The following LRRC49 variants were observed in gnomAD, a reference collection of about 807,000 sequenced individuals.
LRRC49 encodes leucine-rich repeat-containing protein 49.
LRRC49 carries 50 observed loss-of-function variants against 83.3 expected under a neutral mutation model. That is an observed-to-expected ratio of 0.60 (90% confidence interval 0.48 to 0.76). LRRC49 has a LOEUF of 0.76. LRRC49 is among the 30% of genes least tolerant of loss of function. The pLI is 0.00. For missense variants in LRRC49, 704 were observed against 809.1 expected, an observed-to-expected ratio of 0.87 and a Z score of 1.58; for synonymous variants, 286 against 283.3, an observed-to-expected ratio of 1.01 and a Z score of -0.10.
intron 9 of LRRC49, among the ~76,000 whole-genome samples, chr15:70,979,769 T>G (rs2037334421): frequency 6.6e-6 from 1 of 152,114 alleles, no homozygotes; most frequent in Non-Finnish European, 1.5e-5. Flanking sequence ...GATAGAAAGT[T>G]TAAACCTATG....
At chr15:70,991,368 G>C (rs1330684006) in intron 11 of LRRC49, among the ~76,000 whole-genome samples, 1 of 152,130 alleles carries the variant, frequency 6.6e-6, no homozygotes, top group Non-Finnish European at 1.5e-5. Flanking sequence ...ATCCACAGGG[G>C]ATTGGTTCCC....
At chr15:70,912,122 A>G (rs2034574053) in intron 6 of LRRC49, among the ~76,000 whole-genome samples, 1 of 152,144 alleles carries the variant, frequency 6.6e-6, no homozygotes, top group African/African-American at 2.4e-5. Flanking sequence ...ACAGCATTAT[A>G]TTACTGAGAT....
chr15:70,990,656 TG>T (rs1300271976), intron 11 of LRRC49, among the ~76,000 whole-genome samples: 1 of 152,196 alleles, frequency 6.6e-6, no homozygotes, highest in Non-Finnish European at 1.5e-5. Flanking sequence ...CTGCGCCCAC[TG>T]TCTGGCACTC....
In LRRC49 at chr15:71,010,830, A is replaced by G. The variant is rs539779667; in HGVS notation, c.1593+838A>G. On this transcript the variant is annotated intron_variant, in intron 13 of 15. Transcript: ENST00000260382. ...AGAGGAAAAAAAAAACATCTTTAAT[A>G]TGTTGTTAGTCTTATTACAATATCT... 3.3e-5 allele frequency among the ~76,000 whole-genome samples: 5 copies of G among 152,222 alleles called. No individual in the cohort carries two copies. The South Asian group carries it at 1.0e-3, about 32-fold the overall frequency.
chr15:71,014,676 A>G (rs1370437720), intron 14 of LRRC49, among the ~76,000 whole-genome samples: 2 of 152,130 alleles, frequency 1.3e-5, no homozygotes, highest in Admixed American at 6.6e-5. Flanking sequence ...TGATGACACT[A>G]AAAACTACAA....
intron 8 of LRRC49, among the ~76,000 whole-genome samples, chr15:70,950,356 T>G (rs146893575): frequency 2.0e-5 from 3 of 152,164 alleles, no homozygotes; most frequent in Admixed American, 6.5e-5. Context: ...TGTTTTAAGT[T>G]CTTTGAGGAA....
intron 6 of LRRC49, among the ~76,000 whole-genome samples, chr15:70,914,076 T>C (rs1225356064): frequency 6.6e-6 from 1 of 151,760 alleles, no homozygotes; most frequent in African/African-American, 2.4e-5. Flanking sequence ...CCTTGAGAAG[T>C]AATTTGTGCA....
intron 11 of LRRC49, among the ~76,000 whole-genome samples, chr15:71,000,677 T>C (rs1012474533): frequency 6.6e-6 from 1 of 152,182 alleles, no homozygotes; most frequent in African/African-American, 2.4e-5. Flanking sequence ...GATTGCCTTT[T>C]TAAAAAATTG....
chr15:71,031,606 G>T (rs1257393156), intron 14 of LRRC49, among the ~76,000 whole-genome samples: 1 of 152,184 alleles, frequency 6.6e-6, no homozygotes, highest in African/African-American at 2.4e-5. Context: ...CTGAAGCTGT[G>T]CCCATAGCCA....
At position 70,956,528 on chromosome 15, in the gene LRRC49, C is replaced by T. The variant is rs2036408786; in HGVS notation, c.774-7257C>T. Among the ~76,000 whole-genome samples the T allele has an allele frequency of 2.7e-5, 4 of 147,490 alleles. No individual in the cohort carries two copies. The South Asian group carries it at 8.5e-4, about 31-fold the overall frequency. On this transcript the variant is annotated intron_variant, in intron 8 of 15. Transcript: ENST00000260382. ...AAAAAAAAAAAAAAAGGTGGGGTGGCGAGAGAGAGAGACTGTTTTTAAAAG... is the reference window on the plus strand; with the variant it reads ...AAAAAAAAAAAAAAAGGTGGGGTGGTGAGAGAGAGAGACTGTTTTTAAAAG...
chr15:71,016,894 C>T lies in LRRC49; in HGVS notation c.1703+3981C>T, dbSNP rs554796445. Reference sequence around the variant, plus strand: ...GCTGAGGCAGGTGGATCACTTGAGCCCAGGAGTTTGAGACCAGCCTGGGCA... The same window carrying T: ...GCTGAGGCAGGTGGATCACTTGAGCTCAGGAGTTTGAGACCAGCCTGGGCA... On this transcript the variant is annotated intron_variant, in intron 14 of 15. Coordinates refer to ENST00000260382, the MANE Select transcript of LRRC49 (RefSeq NM_017691.5). Among the ~76,000 whole-genome samples the T allele has an allele frequency of 2.6e-5, 4 of 151,978 alleles. No individual in the cohort carries two copies. The East Asian group carries it at 5.8e-4, about 22-fold the overall frequency.
chr15:70,952,779 G>A (rs1018251749), intron 8 of LRRC49, among the ~76,000 whole-genome samples: 13 of 151,500 alleles, frequency 8.6e-5, no homozygotes, highest in African/African-American at 2.9e-4. Context: ...TTCACAGATC[G>A]CTAAGAACTT....
intron 7 of LRRC49, among the ~76,000 whole-genome samples, chr15:70,934,394 TG>T (rs2035526787): frequency 6.6e-6 from 1 of 152,206 alleles, no homozygotes; most frequent in Admixed American, 6.5e-5. Flanking sequence ...TATAATTATT[TG>T]CTTTTTAAAG....
chr15:70,917,090 A>G (rs113091954), intron 6 of LRRC49, among the ~76,000 whole-genome samples: 1,940 of 152,332 alleles, frequency 0.013, 43 homozygotes, highest in African/African-American at 0.043. Context: ...CTTACACACC[A>G]GTCCCTTGCC....
chr15:70,860,837 T>A lies in LRRC49; in HGVS notation c.-299+7368T>A, dbSNP rs529808449. Among the ~76,000 whole-genome samples the A allele has an allele frequency of 2.0e-5, 3 of 152,364 alleles. No individual in the cohort carries two copies. In the East Asian group the frequency reaches 5.8e-4, roughly 29 times the overall value. ...GCTATATGGCCACCTAATTAGTGAT[T>A]ACATTTCCCAGCCTGCCTTGCATAT... is the stretch of plus-strand genomic sequence containing the variant. On this transcript the variant is annotated intron_variant, in intron 1 of 16. Coordinates refer to the LRRC49 transcript ENST00000544974.
rs562475604 is a variant in LRRC49 at position 70,985,648 on chromosome 15, T to A, written c.1169+1391T>A. On this transcript the variant is annotated intron_variant, in intron 11 of 15. Transcript: ENST00000260382. ...CTTGAGTTCAATTAGATCCCATTTG[T>A]CAATTTTGGCTTTTGTTGCCATTGC... Among the ~76,000 whole-genome samples the A allele has an allele frequency of 5.7e-3, 875 of 152,258 alleles. 14 individuals carry two copies. Among genetic ancestry groups the A allele is most frequent in the African/African-American group, 0.02 (825 of 41,518 alleles).
intron 14 of LRRC49, among the ~76,000 whole-genome samples, chr15:71,024,812 G>A (rs1371281837): frequency 6.6e-6 from 1 of 151,848 alleles, no homozygotes; most frequent in Non-Finnish European, 1.5e-5. Context: ...CATGCTAAAA[G>A]ATTACAGGAG....
At chr15:70,960,234 C>G (rs2036558487) in intron 8 of LRRC49, among the ~76,000 whole-genome samples, 1 of 152,166 alleles carries the variant, frequency 6.6e-6, no homozygotes, top group Non-Finnish European at 1.5e-5. Flanking sequence ...GAGGATAGTT[C>G]AAAGGCTGAC....
intron 15 of LRRC49, among the ~76,000 whole-genome samples, chr15:71,039,221 A>T (rs2039624131): frequency 6.6e-6 from 1 of 152,156 alleles, no homozygotes; most frequent in African/African-American, 2.4e-5. Context: ...AAGTTCAGAG[A>T]TTGAGGTAGA....
Sources: gnomAD v4.1 joint callset for allele counts (sites outside exome capture counted in the v4.1 genomes callset) on GRCh38, gnomAD v4.1.1 for gene constraint, MANE v1.5 for transcripts, NCBI Gene and HGNC (gene_info 2026-07-23, HGNC 2026-07-21) for gene names.